The following GALNT8 variants were observed in gnomAD, a reference collection of about 807,000 sequenced individuals.
GALNT8 encodes the protein polypeptide N-acetylgalactosaminyltransferase 8.
A neutral mutation model predicts 62.7 loss-of-function variants in GALNT8; 66 were observed. The observed-to-expected ratio is 1.05, with a 90% confidence interval of 0.86 to 1.29. GALNT8 has a LOEUF of 1.29. Among genes scored for constraint, GALNT8 ranks in the 50% most tolerant of loss-of-function variants. The pLI is 0.00. For synonymous variants in GALNT8, 288 were observed against 294.3 expected, an observed-to-expected ratio of 0.98 and a Z score of 0.22; for missense variants, 771 against 791.8, an observed-to-expected ratio of 0.97 and a Z score of 0.32.
chr12:4,754,560 T>G (rs1261304710), intron 6 of GALNT8, among the ~76,000 whole-genome samples: 1 of 152,114 alleles, frequency 6.6e-6, no homozygotes, highest in African/African-American at 2.4e-5. Flanking sequence ...TTATGATGAA[T>G]GCTGCCTGGC....
In GALNT8 at chr12:4,720,738, G is replaced by A; in HGVS notation, c.61G>A (p.Val21Ile). ...LFIGLTLAIA[V>I]NLLLVFSSKG... The stretch of plus-strand genomic sequence containing the variant: ...CATTGGGCTGACTCTGGCCATTGCT[G>A]TCAATCTCCTTCTGGTATTTTCTAG... The change falls in exon 1 of 11, where the codon GTC (valine) becomes ATC (isoleucine). Residue 21 changes from valine to isoleucine, a missense_variant. Val to Ile is a conservative substitution (Grantham distance 29). Coordinates refer to ENST00000252318, the MANE Select transcript of GALNT8 (RefSeq NM_017417.2). 6.2e-7 allele frequency: 1 copy of A among 1,613,836 alleles called. No homozygotes were observed. Among genetic ancestry groups the A allele is most frequent in the East Asian group, 2.2e-5 (1 of 44,888 alleles).
chr12:4,737,611 G>A (rs1946251452), intron 2 of GALNT8, among the ~76,000 whole-genome samples: 1 of 152,198 alleles, frequency 6.6e-6, no homozygotes, highest in Non-Finnish European at 1.5e-5. Context: ...TAGCCTAACT[G>A]CTGTGGTTTG....
chr12:4,758,828 G>A (rs779368654), intron 6 of GALNT8, among the ~76,000 whole-genome samples: 4 of 151,180 alleles, frequency 2.6e-5, no homozygotes, highest in African/African-American at 7.3e-5. Context: ...CCAGGCTGGC[G>A]TGCAGTGGCG....
At chr12:4,723,705 T>C (rs1275107937) in intron 1 of GALNT8, among the ~76,000 whole-genome samples, 2 of 151,926 alleles carry the variant, frequency 1.3e-5, no homozygotes, top group Non-Finnish European at 2.9e-5. Context: ...CCACCTGAGT[T>C]GAACCTCAAA....
chr12:4,748,776 A>T (rs1352488987), intron 6 of GALNT8, among the ~76,000 whole-genome samples: 1 of 151,982 alleles, frequency 6.6e-6, no homozygotes, highest in East Asian at 1.9e-4. Flanking sequence ...TTTGATAGGG[A>T]TTGTATTTAA....
intron 6 of GALNT8, among the ~76,000 whole-genome samples, chr12:4,753,376 T>C (rs1357256202): frequency 6.6e-6 from 1 of 152,206 alleles, no homozygotes; most frequent in African/African-American, 2.4e-5. Context: ...TTCTTTTGTC[T>C]CCTCTGACTA....
intron 10 of GALNT8, among the ~76,000 whole-genome samples, chr12:4,770,185 C>T (rs1161441430): frequency 6.6e-6 from 1 of 151,514 alleles, no homozygotes; most frequent in Non-Finnish European, 1.5e-5. Flanking sequence ...GCCTGTAATC[C>T]CAACCACCTG....
At chr12:4,757,958 A>G (rs569742226) in intron 6 of GALNT8, among the ~76,000 whole-genome samples, 50 of 152,144 alleles carry the variant, frequency 3.3e-4, no homozygotes, top group Non-Finnish European at 6.6e-4. Flanking sequence ...CAAAGCCCTC[A>G]TTATTTCTGA....
intron 2 of GALNT8, among the ~76,000 whole-genome samples, chr12:4,727,552 A>T (rs1430313272): frequency 1.3e-5 from 2 of 152,046 alleles, no homozygotes; most frequent in African/African-American, 4.8e-5. Context: ...CCACTAATCT[A>T]CTTTTTATCC....
In GALNT8 at chr12:4,739,276, C is replaced by A. The variant is rs762988879; in HGVS notation, c.623C>A (p.Thr208Lys). 2.5e-6 allele frequency: 4 copies of A among 1,613,570 alleles called. No homozygotes were observed. Among genetic ancestry groups the A allele is most frequent in the Non-Finnish European group, 3.4e-6 (4 of 1,179,568 alleles). Residue 208 changes from threonine (T) to lysine (K), a missense_variant, in exon 3 of 11, where the codon ACG becomes AAG. By Grantham distance (78) the Thr-to-Lys change is moderately conservative. Coordinates refer to ENST00000252318, the MANE Select transcript of GALNT8 (RefSeq NM_017417.2). ...GCCATCACCAGTATCATCAACCGGACGCCCTCTCGATTGTTGAAGGAAATC... is the reference window on the plus strand; with the variant it reads ...GCCATCACCAGTATCATCAACCGGAAGCCCTCTCGATTGTTGAAGGAAATC... ...QRAITSIINR[T>K]PSRLLKEIIL... is the part of the protein sequence containing the mutation.
intron 7 of GALNT8, 21 bp from the exon 8 acceptor site, chr12:4,763,232 C>CA (rs1408563211): frequency 6.2e-7 from 1 of 1,606,382 alleles, no homozygotes; most frequent in South Asian, 1.1e-5. Context: ...AGCACAGAAA[C>CA]ACTTGGCGTT....
chr12:4,745,299 C>T, intron 4 of GALNT8, 130 bp from the exon 5 acceptor site: 1 of 669,530 alleles, frequency 1.5e-6, no homozygotes, highest in East Asian at 2.7e-5. Context: ...GAGTTCTACT[C>T]ACAACCCAGT....
Position 4,720,656 on chromosome 12 carries a change from G to A in GALNT8, c.-22G>A. The A allele has an allele frequency of 6.6e-7, 1 of 1,507,068 alleles. No homozygotes were observed. The highest frequency in any genetic ancestry group is 9.2e-7 in the Non-Finnish European group (1 of 1,082,234). The allele number at this position is 1,507,068 out of a possible 1,614,324, so 93.4% of individuals were successfully genotyped here. On this transcript the variant is annotated 5_prime_UTR_variant, in exon 1 of 11. In the 5' UTR this introduces an upstream ATG that the reference lacks. Transcript: ENST00000252318. ...AGTGACACACTCAGTCCCACAGGGA[G>A]TGGACGACCCCCAGGAAGAAGATGA... is the stretch of plus-strand genomic sequence containing the variant.
intron 6 of GALNT8, among the ~76,000 whole-genome samples, chr12:4,758,370 T>C (rs1173449045): frequency 6.6e-6 from 1 of 152,026 alleles, no homozygotes; most frequent in Non-Finnish European, 1.5e-5. Flanking sequence ...AGGGAGATGA[T>C]GGGTAGGAAA....
intron 4 of GALNT8, 56 bp from the exon 5 acceptor site, chr12:4,745,373 T>TC (rs34073667): frequency 0.21 from 229,169 of 1,087,680 alleles, 29,034 homozygotes; most frequent in South Asian, 0.45. Flanking sequence ...TTATCTGCTC[T>TC]CCCCTACTGC....
At chr12:4,743,456 G>C (rs1020788957) in intron 3 of GALNT8, among the ~76,000 whole-genome samples, 6 of 152,186 alleles carry the variant, frequency 3.9e-5, no homozygotes, top group African/African-American at 7.2e-5. Context: ...CTTAGGTGTT[G>C]ATTCCAGGTC....
intron 6 of GALNT8, among the ~76,000 whole-genome samples, chr12:4,751,971 C>T (rs920600086): frequency 6.6e-6 from 1 of 152,188 alleles, no homozygotes; most frequent in Non-Finnish European, 1.5e-5. Flanking sequence ...GTTATAGCCT[C>T]TGGCTAAATT....
intron 1 of GALNT8, among the ~76,000 whole-genome samples, chr12:4,723,950 A>G (rs942570606): frequency 4.6e-5 from 7 of 151,820 alleles, no homozygotes; most frequent in African/African-American, 1.7e-4. Context: ...GGAGATCGAG[A>G]CCATCCTGGC....
chr12:4,721,142 G>A (rs1946166316), intron 1 of GALNT8, among the ~76,000 whole-genome samples: 1 of 152,016 alleles, frequency 6.6e-6, no homozygotes, highest in Non-Finnish European at 1.5e-5. Flanking sequence ...GTGTGGGCTT[G>A]TGCACATGCA....
Sources: allele counts gnomAD v4.1 joint callset (sites outside exome capture counted in the v4.1 genomes callset), GRCh38; gene constraint gnomAD v4.1.1; transcripts MANE v1.5; gene names NCBI Gene and HGNC (gene_info 2026-07-23, HGNC 2026-07-21).